The following ADAMTSL3 variants were observed in gnomAD, a reference collection of about 807,000 sequenced individuals.
ADAMTSL3 encodes the protein ADAMTS like 3.
ADAMTSL3 carries 128 observed loss-of-function variants against 201.7 expected under a neutral mutation model. The observed-to-expected ratio is 0.63, with a 90% confidence interval of 0.55 to 0.73. The LOEUF (loss-of-function observed/expected upper bound fraction) is 0.73. Ranked by LOEUF, ADAMTSL3 falls within the 30% of genes least tolerant of loss-of-function variation. The probability of loss-of-function intolerance (pLI) is 0.00; values close to 1 mark genes in which losing one functional copy is unlikely to be tolerated. For synonymous variants in ADAMTSL3, 738 were observed against 748.4 expected (o/e 0.99, Z 0.23); for missense variants, 1,990 against 2,119.6 (o/e 0.94, Z 1.20).
intron 3 of ADAMTSL3, among the ~76,000 whole-genome samples, chr15:83,728,737 G>A (rs1339745035): frequency 6.6e-6 from 1 of 151,884 alleles, no homozygotes; most frequent in Admixed American, 6.6e-5. Flanking sequence ...TATTATTTTT[G>A]ATAGGTTCAT....
chr15:83,906,182 A>G (rs895406800), intron 15 of ADAMTSL3, among the ~76,000 whole-genome samples: 1 of 152,126 alleles, frequency 6.6e-6, no homozygotes, highest in African/African-American at 2.4e-5. Flanking sequence ...GTACTCTGTA[A>G]TTGTTATTCC....
Position 83,744,130 on chromosome 15 carries a change from G to A in ADAMTSL3, c.190-29393G>A, listed in dbSNP as rs572579976. Among the ~76,000 whole-genome samples, 24 of 152,234 alleles carry A rather than the reference G, an allele frequency of 1.6e-4. No individual in the cohort carries two copies. In the South Asian group the frequency reaches 2.1e-3, roughly 13 times the overall value. ...CTCTCAAAGTGCTGGGATTATAGGC[G>A]TGAGCCACTGCGCCCGGCCATATCT... On this transcript the variant is annotated intron_variant, in intron 3 of 29. Transcript: ENST00000286744.
intron 2 of ADAMTSL3, among the ~76,000 whole-genome samples, chr15:83,657,675 G>A (rs1027700197): frequency 9.2e-5 from 14 of 152,256 alleles, no homozygotes; most frequent in African/African-American, 3.4e-4. Context: ...TGTTGCTGCT[G>A]CTTGTCAGCA....
chr15:83,697,311 C>T (rs1423070267), intron 2 of ADAMTSL3, among the ~76,000 whole-genome samples: 1 of 152,140 alleles, frequency 6.6e-6, no homozygotes, highest in Non-Finnish European at 1.5e-5. Context: ...GGAGGTATTT[C>T]TGCACACAGC....
At chr15:84,019,405 GAA>G (rs201988398) in intron 25 of ADAMTSL3, among the ~76,000 whole-genome samples, 1 of 146,602 alleles carries the variant, frequency 6.8e-6, no homozygotes, top group Non-Finnish European at 1.5e-5. Flanking sequence ...GTATTTACCC[GAA>G]AAAAAAAATG....
At chr15:83,684,044 G>C (rs2061508446) in intron 2 of ADAMTSL3, among the ~76,000 whole-genome samples, 1 of 152,142 alleles carries the variant, frequency 6.6e-6, no homozygotes, top group Non-Finnish European at 1.5e-5. Flanking sequence ...TCCAACCTTA[G>C]AGCTTCATAG....
intron 2 of ADAMTSL3, among the ~76,000 whole-genome samples, chr15:83,658,575 C>G (rs1298426882): frequency 6.6e-6 from 1 of 152,226 alleles, no homozygotes; most frequent in Non-Finnish European, 1.5e-5. Context: ...CTCATCCAGG[C>G]AGCTGGAGCG....
chr15:83,958,435 A>G (rs983060974), intron 19 of ADAMTSL3, among the ~76,000 whole-genome samples: 14 of 152,192 alleles, frequency 9.2e-5, no homozygotes, highest in African/African-American at 3.4e-4. Flanking sequence ...GAGTCCAGAG[A>G]TACAAATCCC....
At chr15:84,010,391 G>C (rs1232039441) in intron 23 of ADAMTSL3, among the ~76,000 whole-genome samples, 1 of 152,150 alleles carries the variant, frequency 6.6e-6, no homozygotes. Context: ...TTTGCTGCTT[G>C]GAAGAGAGCA....
intron 20 of ADAMTSL3, among the ~76,000 whole-genome samples, chr15:83,972,868 A>G (rs1180405135): frequency 1.3e-5 from 2 of 152,096 alleles, no homozygotes; most frequent in East Asian, 1.9e-4. Context: ...ACACTTTCAC[A>G]TAGCATCCTC....
chr15:83,759,248 T>C (rs2062769556), intron 3 of ADAMTSL3, among the ~76,000 whole-genome samples: 1 of 150,666 alleles, frequency 6.6e-6, no homozygotes, highest in Non-Finnish European at 1.5e-5. Flanking sequence ...TTTTTTGAGA[T>C]GGAGTCTCGC....
chr15:83,753,913 A>T (rs2062677551), intron 3 of ADAMTSL3, among the ~76,000 whole-genome samples: 1 of 152,246 alleles, frequency 6.6e-6, no homozygotes, highest in African/African-American at 2.4e-5. Context: ...TTATAACTTT[A>T]TCTGAAGGTT....
At chr15:83,756,134 T>C (rs1050030525) in intron 3 of ADAMTSL3, among the ~76,000 whole-genome samples, 1 of 152,236 alleles carries the variant, frequency 6.6e-6, no homozygotes, top group Non-Finnish European at 1.5e-5. Flanking sequence ...ATCAGACTTT[T>C]TGAGGAACTA....
At chr15:84,030,135 G>C (rs1036171381) in intron 27 of ADAMTSL3, among the ~76,000 whole-genome samples, 1 of 152,202 alleles carries the variant, frequency 6.6e-6, no homozygotes, top group Non-Finnish European at 1.5e-5. Context: ...CCTCCACACA[G>C]AGTCTCCACT....
rs115795020 is a variant in ADAMTSL3, at chr15:83,783,303, T to C, written c.317+9653T>C. Among the ~76,000 whole-genome samples, 1,405 of 151,954 alleles carry C rather than the reference T, an allele frequency of 9.2e-3. 23 individuals are homozygous for C. The highest frequency in any genetic ancestry group is 0.032 in the African/African-American group (1,321 of 41,472). The stretch of plus-strand genomic sequence containing the variant: ...GATATCACAAGGGCAAATAGAATCA[T>C]GCTAAAATACTTGATTGATCCAAAA... On this transcript the variant is annotated intron_variant, in intron 4 of 29. Transcript: ENST00000286744.
chr15:83,944,180 C>T (rs957952381), intron 19 of ADAMTSL3, among the ~76,000 whole-genome samples: 1 of 152,088 alleles, frequency 6.6e-6, no homozygotes, highest in Non-Finnish European at 1.5e-5. Context: ...AAAGCGAAAC[C>T]GTGGATAAGA....
intron 21 of ADAMTSL3, among the ~76,000 whole-genome samples, 185 bp downstream of exon 21, chr15:83,983,529 G>T (rs929745661): frequency 6.6e-6 from 1 of 152,118 alleles, no homozygotes; most frequent in South Asian, 2.1e-4. Context: ...AAATTCAACC[G>T]CCATATCATC....
chr15:84,003,917 C>A (rs1467914957), intron 23 of ADAMTSL3, among the ~76,000 whole-genome samples: 1 of 152,190 alleles, frequency 6.6e-6, no homozygotes, highest in African/African-American at 2.4e-5. Flanking sequence ...ACAGCACCCA[C>A]ACAGGGTGGG....
At chr15:83,909,612 G>T (rs2401176) in intron 15 of ADAMTSL3, among the ~76,000 whole-genome samples, 95,103 of 151,518 alleles carry the variant, frequency 0.63, 30,920 homozygotes, top group African/African-American at 0.79. Context: ...TCAATGAGTG[G>T]TTTTTTTTCT....
Sources: gnomAD v4.1 joint callset for allele counts (sites outside exome capture counted in the v4.1 genomes callset) on GRCh38, gnomAD v4.1.1 for gene constraint, MANE v1.5 for transcripts, NCBI Gene and HGNC (gene_info 2026-07-23, HGNC 2026-07-21) for gene names.